CPNE4: variants seen among roughly 807,000 people sequenced by gnomAD.
The protein encoded by CPNE4 is copine 4, also known as copine-4.
In CPNE4, 25 loss-of-function variants were observed where a neutral mutation model predicts 67.9. The ratio of observed to expected loss-of-function variants is 0.37; its 90% CI spans 0.27 to 0.51. The LOEUF is 0.51. Ranked by LOEUF, CPNE4 falls within the 20% of genes least tolerant of loss-of-function variation. The pLI is 0.93. For synonymous variants in CPNE4, 242 were observed against 244.9 expected, an observed-to-expected ratio of 0.99 and a Z score of 0.11; for missense variants, 464 against 690.8, an observed-to-expected ratio of 0.67 and a Z score of 3.68.
At chr3:131,817,498 A>G (rs936742162) in intron 2 of CPNE4, among the ~76,000 whole-genome samples, 6 of 152,202 alleles carry the variant, frequency 3.9e-5, no homozygotes, top group African/African-American at 7.2e-5. Context: ...GAGTCAAAAC[A>G]TGTTGGGCCA....
chr3:131,890,129 A>G (rs936979928), intron 2 of CPNE4, among the ~76,000 whole-genome samples: 23 of 152,162 alleles, frequency 1.5e-4, no homozygotes, highest in Admixed American at 7.9e-4. Flanking sequence ...CACAGAAAAC[A>G]GTTAATAGAC....
At chr3:131,633,763 T>C (rs1450428068) in intron 7 of CPNE4, among the ~76,000 whole-genome samples, 1 of 151,364 alleles carries the variant, frequency 6.6e-6, no homozygotes, top group Non-Finnish European at 1.5e-5. Flanking sequence ...ATGTAACTTT[T>C]TTATTTTTAA....
chr3:131,777,011 T>C (rs1313572648), intron 2 of CPNE4, among the ~76,000 whole-genome samples: 1 of 152,158 alleles, frequency 6.6e-6, no homozygotes, highest in Non-Finnish European at 1.5e-5. Flanking sequence ...GTGGCTGCTG[T>C]ATTTTCACAT....
At chr3:132,009,163 G>T (rs576941293) in intron 1 of CPNE4, among the ~76,000 whole-genome samples, 2 of 152,298 alleles carry the variant, frequency 1.3e-5, no homozygotes, top group East Asian at 3.9e-4. Flanking sequence ...TCACATGGCT[G>T]CTCTGTCTCT....
chr3:131,832,057 G>A (rs967776883), intron 2 of CPNE4, among the ~76,000 whole-genome samples: 1 of 152,154 alleles, frequency 6.6e-6, no homozygotes, highest in Non-Finnish European at 1.5e-5. Flanking sequence ...AGGTCAACAT[G>A]AGTTCTCATT....
At chr3:131,544,592 A>G (rs1351133028) in intron 14 of CPNE4, among the ~76,000 whole-genome samples, 2 of 152,194 alleles carry the variant, frequency 1.3e-5, no homozygotes, top group Non-Finnish European at 2.9e-5. Flanking sequence ...TATGTTCACA[A>G]GGAAGTTGGC....
chr3:131,575,006 C>T (rs2107681809), intron 10 of CPNE4, 65 bp downstream of exon 10: 2 of 1,384,874 alleles, frequency 1.4e-6, no homozygotes, highest in East Asian at 2.3e-5. Flanking sequence ...CCCCCAAACC[C>T]AGTGCCACCC....
chr3:131,724,759 ACTTT>A (rs1484174273), intron 2 of CPNE4, among the ~76,000 whole-genome samples: 1 of 152,032 alleles, frequency 6.6e-6, no homozygotes, highest in Non-Finnish European at 1.5e-5. Flanking sequence ...CGGATGCCTC[ACTTT>A]CTTTCTTGGC....
At chr3:131,785,694 T>C (rs1240265377) in intron 2 of CPNE4, among the ~76,000 whole-genome samples, 2 of 125,128 alleles carry the variant, frequency 1.6e-5, no homozygotes, top group Non-Finnish European at 3.5e-5. Context: ...TCTCTCTCTC[T>C]CTCTCATGGT....
chr3:131,826,809 A>G (rs1286810476), intron 2 of CPNE4, among the ~76,000 whole-genome samples: 1 of 152,178 alleles, frequency 6.6e-6, no homozygotes, highest in Non-Finnish European at 1.5e-5. Flanking sequence ...AGGTGAGAGG[A>G]TCACTTGAAG....
At chr3:131,656,053 CTTT>C (rs11360041) in intron 7 of CPNE4, among the ~76,000 whole-genome samples, 8 of 131,664 alleles carry the variant, frequency 6.1e-5, no homozygotes, top group Admixed American at 1.5e-4. Flanking sequence ...AATACTGTTT[CTTT>C]TTTTTTTTTT....
intron 1 of CPNE4, among the ~76,000 whole-genome samples, chr3:131,990,214 T>C (rs115369411): frequency 0.023 from 3,084 of 136,722 alleles, 304 homozygotes; most frequent in African/African-American, 0.07. Flanking sequence ...TATTTAATTC[T>C]CTAAAAGAAA....
At chr3:131,726,876 G>A (rs1177327425) in intron 2 of CPNE4, among the ~76,000 whole-genome samples, 1 of 152,198 alleles carries the variant, frequency 6.6e-6, no homozygotes, top group Non-Finnish European at 1.5e-5. Context: ...ATGAGGAGAT[G>A]TAGAGTCTAT....
At chr3:131,739,986 A>G (rs2082321174) in intron 2 of CPNE4, among the ~76,000 whole-genome samples, 1 of 152,234 alleles carries the variant, frequency 6.6e-6, no homozygotes, top group Admixed American at 6.5e-5. Flanking sequence ...CAAGAATAGT[A>G]AGCACAGAAT....
chr3:131,850,441 T>C (rs116483933), intron 2 of CPNE4, among the ~76,000 whole-genome samples: 2,532 of 152,180 alleles, frequency 0.017, 37 homozygotes, highest in Middle Eastern at 0.075. Flanking sequence ...AATTATTTGA[T>C]CGTAGGGCAG....
At chr3:131,938,627 G>A (rs568914073) in intron 1 of CPNE4, among the ~76,000 whole-genome samples, 176 of 152,078 alleles carry the variant, frequency 1.2e-3, no homozygotes, top group Admixed American at 2.5e-3. Flanking sequence ...ACAGGCAGCA[G>A]GAGAGAGAGA....
intron 2 of CPNE4, among the ~76,000 whole-genome samples, chr3:131,898,054 T>A (rs2107758612): frequency 6.6e-6 from 1 of 152,198 alleles, no homozygotes; most frequent in Non-Finnish European, 1.5e-5. Context: ...GTATTATAAA[T>A]AAATCATCAT....
chr3:131,929,563 G>C (rs2107827481), intron 1 of CPNE4, among the ~76,000 whole-genome samples: 1 of 138,356 alleles, frequency 7.2e-6, no homozygotes, highest in South Asian at 2.4e-4. Context: ...CAGGGCCTCT[G>C]TTAGACAGTG....
chr3:131,804,040 GTCTC>G (rs928172909), intron 2 of CPNE4, among the ~76,000 whole-genome samples: 8 of 151,880 alleles, frequency 5.3e-5, no homozygotes, highest in African/African-American at 1.9e-4. Flanking sequence ...GAGTCAATTA[GTCTC>G]TCTCTCTCCC....
Sources: allele counts gnomAD v4.1 joint callset (sites outside exome capture counted in the v4.1 genomes callset), GRCh38; gene constraint gnomAD v4.1.1; transcripts MANE v1.5; gene names NCBI Gene and HGNC (gene_info 2026-07-23, HGNC 2026-07-21).